Variants in DGAT2L6 observed in about 807,000 individuals in gnomAD.
DGAT2L6 encodes the protein diacylglycerol O-acyltransferase 2 like 6, also known as diacylglycerol O-acyltransferase 2-like protein 6.
A neutral mutation model predicts 25.5 loss-of-function variants in DGAT2L6; 22 were observed. That is an observed-to-expected ratio of 0.86 (90% CI 0.62 to 1.23). The LOEUF (loss-of-function observed/expected upper bound fraction) is 1.23. Ranked by LOEUF, DGAT2L6 falls within the 50% of genes most tolerant of loss-of-function variation. The pLI is 0.00. For missense variants in DGAT2L6, 287 were observed against 253.2 expected (o/e 1.13, Z -0.91); for synonymous variants, 100 against 94.7 (o/e 1.06, Z -0.32).
At chrX:70,182,967 AT>A (rs1414114992) in intron 1 of DGAT2L6, among the ~76,000 whole-genome samples, 1 of 110,820 alleles carries the variant, frequency 9.0e-6, no homozygotes, top group Non-Finnish European at 1.9e-5. Context: ...TTTCTTTTGT[AT>A]TTTTAGTAGA....
At chrX:70,183,959 G>A (rs1033644847) in intron 1 of DGAT2L6, among the ~76,000 whole-genome samples, 1 of 111,123 alleles carries the variant, frequency 9.0e-6, no homozygotes, top group Non-Finnish European at 1.9e-5. Flanking sequence ...GGGCTCCTTT[G>A]AGCCTAAGAG....
chrX:70,184,845 C>A (rs1210446763), intron 1 of DGAT2L6, among the ~76,000 whole-genome samples: 1 of 110,704 alleles, frequency 9.0e-6, no homozygotes, highest in African/African-American at 3.3e-5. Flanking sequence ...ACCCCAGCAT[C>A]AACTCAGCTG....
At chrX:70,199,212 G>A (rs2085401196) in intron 1 of DGAT2L6, 59 bp from the exon 2 acceptor site, 5 of 793,555 alleles carry the variant, frequency 6.3e-6, no homozygotes, top group Non-Finnish European at 9.2e-6. Flanking sequence ...CCGGGGTTAT[G>A]AGAAGTATAC....
chrX:70,194,820 T>G (rs2085385894), intron 1 of DGAT2L6, among the ~76,000 whole-genome samples: 1 of 111,458 alleles, frequency 9.0e-6, no homozygotes, highest in East Asian at 2.8e-4. Context: ...CTCCTTGACA[T>G]TGGCCTTGAC....
At chrX:70,201,505 C>G (rs775405403) in intron 4 of DGAT2L6, among the ~76,000 whole-genome samples, 1 of 111,320 alleles carries the variant, frequency 9.0e-6, no homozygotes, top group East Asian at 2.8e-4. Context: ...CTCGATTACC[C>G]CTGGAGGAGA....
At chrX:70,202,934 T>C (rs968969225) in intron 5 of DGAT2L6, among the ~76,000 whole-genome samples, 8 of 111,800 alleles carry the variant, frequency 7.2e-5, no homozygotes, top group Non-Finnish European at 1.5e-4. Flanking sequence ...CATCACTCAC[T>C]TCTCTTCCCA....
At chrX:70,196,632 G>GA (rs34832035) in intron 1 of DGAT2L6, among the ~76,000 whole-genome samples, 46,004 of 108,186 alleles carry the variant, frequency 0.43, 9,236 homozygotes, top group African/African-American at 0.77. Context: ...ATCTATAAAA[G>GA]AAAAAAAATT....
At chrX:70,180,796 C>G (rs1334109640) in intron 1 of DGAT2L6, among the ~76,000 whole-genome samples, 3 of 112,064 alleles carry the variant, frequency 2.7e-5, no homozygotes, top group Admixed American at 9.5e-5. Flanking sequence ...AATTATTATT[C>G]CAGTGTTTGT....
Position 70,205,314 on chromosome X carries a change from G to T in DGAT2L6, c.*208G>T, listed in dbSNP as rs1251675182. On this transcript the variant is annotated 3_prime_UTR_variant, in exon 7 of 7. Coordinates refer to ENST00000333026, the MANE Select transcript of DGAT2L6 (RefSeq NM_198512.3). ...AGGCTTAGGGGAAAGAACCAGAGGG[G>T]CAGGGGAGGACTGGGGAGGGCTGGC... 7.4e-6 allele frequency: 3 copies of T among 406,755 alleles called. No individual in the cohort carries two copies. The highest frequency in any genetic ancestry group is 1.1e-5 in the Non-Finnish European group (3 of 267,247). 33.5% of individuals were successfully genotyped at this position (406,755 alleles called of 1,213,427 possible).
chrX:70,184,567 C>A (rs1024988026), intron 1 of DGAT2L6, among the ~76,000 whole-genome samples: 1 of 109,799 alleles, frequency 9.1e-6, no homozygotes, highest in Non-Finnish European at 1.9e-5. Flanking sequence ...TGGGTTCAAG[C>A]GATCCTCTTG....
intron 1 of DGAT2L6, among the ~76,000 whole-genome samples, chrX:70,182,857 C>G (rs1354737970): frequency 2.7e-5 from 3 of 111,944 alleles, no homozygotes. Context: ...GGGGTTTCAC[C>G]GTGTTAGCCA....
At chrX:70,204,884 C>T (rs1326207178) in intron 6 of DGAT2L6, 68 bp from the exon 7 acceptor site, 1 of 1,084,468 alleles carries the variant, frequency 9.2e-7, no homozygotes, top group Non-Finnish European at 1.2e-6. Context: ...TACATGGCTC[C>T]CAGTGAGGGA....
chrX:70,197,276 C>T (rs185577606), intron 1 of DGAT2L6, among the ~76,000 whole-genome samples: 140 of 112,161 alleles, frequency 1.2e-3, no homozygotes, highest in African/African-American at 3.8e-3. Context: ...CCACATTTGG[C>T]TTCTATTTCT....
chrX:70,178,049 T>A (rs1422233100), intron 1 of DGAT2L6, among the ~76,000 whole-genome samples: 1 of 107,784 alleles, frequency 9.3e-6, no homozygotes, highest in African/African-American at 3.4e-5. Context: ...GACAGGAGAA[T>A]CACTTGAACC....
chrX:70,190,683 A>T (rs951739036), intron 1 of DGAT2L6, among the ~76,000 whole-genome samples: 12 of 111,750 alleles, frequency 1.1e-4, no homozygotes, highest in Admixed American at 1.9e-4. Context: ...CTCTGGTCAC[A>T]CTCTGCTGTG....
At chrX:70,177,703 A>C in intron 1 of DGAT2L6, 36 bp downstream of exon 1, 2 of 1,120,772 alleles carry the variant, frequency 1.8e-6, no homozygotes, top group South Asian at 3.7e-5. Flanking sequence ...GCACATGGGG[A>C]ACAAACCAAA....
intron 1 of DGAT2L6, among the ~76,000 whole-genome samples, chrX:70,178,290 G>A (rs895479683): frequency 6.3e-5 from 7 of 110,964 alleles, no homozygotes; most frequent in African/African-American, 2.3e-4. Context: ...CTAGTCTATG[G>A]TTATGGTGAG....
intron 1 of DGAT2L6, among the ~76,000 whole-genome samples, chrX:70,178,101 A>G (rs1012589545): frequency 5.6e-5 from 6 of 107,574 alleles, no homozygotes; most frequent in Non-Finnish European, 9.6e-5. Flanking sequence ...GTGCCACTGC[A>G]CTCCAGCCTG....
At chrX:70,180,656 C>A (rs1027679009) in intron 1 of DGAT2L6, among the ~76,000 whole-genome samples, 3 of 110,955 alleles carry the variant, frequency 2.7e-5, no homozygotes, top group Non-Finnish European at 5.7e-5. Context: ...AGAATTTTAT[C>A]TTCCCAAACT....
Sources: allele counts gnomAD v4.1 joint callset (sites outside exome capture counted in the v4.1 genomes callset), GRCh38; gene constraint gnomAD v4.1.1; transcripts MANE v1.5; gene names NCBI Gene and HGNC (gene_info 2026-07-23, HGNC 2026-07-21).